NACAD: variants seen among roughly 807,000 people sequenced by gnomAD.
The protein encoded by NACAD is NAC-alpha domain-containing protein 1.
A neutral mutation model predicts 98.9 loss-of-function variants in NACAD; 47 were observed. That is an observed-to-expected ratio of 0.48 (90% CI 0.38 to 0.61). The LOEUF is 0.61. NACAD is among the 20% of genes least tolerant of loss of function. NACAD has a pLI of 0.00. For missense variants in NACAD, 1,412 were observed against 1,748.2 expected (o/e 0.81, Z 3.43); for synonymous variants, 696 against 767.2 (o/e 0.91, Z 1.53).
At position 45,085,529 on chromosome 7, in the gene NACAD, C is replaced by T. The variant is rs1179916221; in HGVS notation, c.651G>A (p.Ser217=). The change falls in exon 2 of 8, where the codon TCG becomes TCA. Residue 217 remains serine, a synonymous_variant. Coordinates refer to ENST00000490531, the MANE Select transcript of NACAD (RefSeq NM_001146334.2). This position sits in a 1 kb window ranked among gnomAD's most constrained non-coding sequence, Gnocchi z 6.1. ...CCCCATCGGCCGTAATGTAGGAGCC[C>T]GAGGGTGAGGCGGGGGGCGAGTCCA... ...ELLDSPPASP[S]GSYITADGDS... The T allele has an allele frequency of 3.3e-5, 51 of 1,550,526 alleles. No individual in the cohort carries two copies. Among genetic ancestry groups the T allele is most frequent in the Middle Eastern group, 3.4e-4 (2 of 5,964 alleles).
At chr7:45,087,156 C>A (rs764580555) in intron 1 of NACAD, among the ~76,000 whole-genome samples, 3 of 152,202 alleles carry the variant, frequency 2.0e-5, no homozygotes, top group Non-Finnish European at 2.9e-5. Context: ...TGGAAGAAAA[C>A]CCCTCCGAGG....
At position 45,086,066 on chromosome 7, in the gene NACAD, G is replaced by A. The variant is rs34135761; in HGVS notation, c.114C>T (p.Asp38=). ...GGGTCAGAGCACAGGGCTCCCGCCG[G>A]TCCCCTCCCAGGATGGTGGTGGCAG... ...AAAATTILGG[D]RREPCALTPG... The change falls in exon 2 of 8, where the codon GAC becomes GAT. Residue 38 remains aspartate (D), a synonymous_variant. Coordinates refer to ENST00000490531, the MANE Select transcript of NACAD (RefSeq NM_001146334.2). 0.045 allele frequency: 68,634 copies of A among 1,536,154 alleles called. 1,684 individuals are homozygous for A. Among genetic ancestry groups the A allele is most frequent in the African/African-American group, 0.076 (5,532 of 73,156 alleles).
intron 1 of NACAD, among the ~76,000 whole-genome samples, chr7:45,087,659 A>C (rs965084055): frequency 6.6e-6 from 1 of 152,276 alleles, no homozygotes; most frequent in African/African-American, 2.4e-5. Flanking sequence ...CAGAGCCCTG[A>C]GCCCTGAACC....
Position 45,085,193 on chromosome 7 carries a change from T to C in NACAD, c.987A>G (p.Leu329=). Residue 329 remains leucine, a synonymous_variant, in exon 2 of 8, where the codon CTA becomes CTG. Coordinates refer to ENST00000490531, the MANE Select transcript of NACAD (RefSeq NM_001146334.2). The surrounding 1 kb of genome is among the most constrained non-coding windows in gnomAD (Gnocchi z 6.1). ...FQVEAVEVTP[L]SPEEEEEEAV... is the part of the protein sequence containing the mutation. ...CCTCCTCTTCTTCTTCCTCTGGGGA[T>C]AGCGGTGTCACCTCCACTGCCTCCA... The C allele has an allele frequency of 6.4e-7, 1 of 1,551,296 alleles. No homozygotes were observed. The highest frequency in any genetic ancestry group is 8.7e-7 in the Non-Finnish European group (1 of 1,146,880).
chr7:45,085,811 C>T lies in NACAD; in HGVS notation c.369G>A (p.Glu123=), dbSNP rs1276244110. 6.5e-7 allele frequency: 1 copy of T among 1,539,712 alleles called. No homozygotes were observed. The highest frequency in any genetic ancestry group is 2.0e-5 in the Admixed American group (1 of 50,090). The change falls in exon 2 of 8, where the codon GAG becomes GAA. Residue 123 remains glutamate (E), a synonymous_variant. Coordinates refer to ENST00000490531, the MANE Select transcript of NACAD (RefSeq NM_001146334.2). This position sits in a 1 kb window ranked among gnomAD's most constrained non-coding sequence, Gnocchi z 6.1. The part of the protein sequence containing the change: ...ATLEPRIVMG[E]ETCQALLSPR... ...GTGACAGGAGGGCCTGGCACGTCTCCTCTCCCATCACAATCCGGGGCTCCA... is the reference window on the plus strand; with the variant it reads ...GTGACAGGAGGGCCTGGCACGTCTCTTCTCCCATCACAATCCGGGGCTCCA...
chr7:45,082,867 C>G lies in NACAD; in HGVS notation c.3313G>C (p.Asp1105His). 1 of 1,550,148 alleles carries G rather than the reference C, an allele frequency of 6.5e-7. No homozygotes were observed. The highest frequency in any genetic ancestry group is 1.7e-4 in the Middle Eastern group (1 of 5,988). ...SALGGAREVP[D>H]APPAACPEVS... ...TCAGGGCAGGCAGCAGGAGGCGCATCGGGGACCTCCCTTGCACCTCCAAGT... is the reference window on the plus strand; with the variant it reads ...TCAGGGCAGGCAGCAGGAGGCGCATGGGGGACCTCCCTTGCACCTCCAAGT... The change falls in exon 2 of 8, where the codon GAT (aspartate) becomes CAT (histidine). Residue 1105 changes from aspartate to histidine, a missense_variant. Asp to His is a moderately conservative substitution (Grantham distance 81). Transcript: ENST00000490531. The surrounding 1 kb of genome is among the most constrained non-coding windows in gnomAD (Gnocchi z 4.5).
rs1784411544 is a variant in NACAD at position 45,080,482 on chromosome 7, A to G, written c.*27T>C. On this transcript the variant is annotated 3_prime_UTR_variant, in exon 8 of 8. Coordinates refer to ENST00000490531, the MANE Select transcript of NACAD (RefSeq NM_001146334.2). Reference sequence around the variant, plus strand: ...GAGTAGCAGAGCTGAGGGAAGGCGTAGGATGGCTCCAGCTTCCGGTCAGTG... The same window carrying G: ...GAGTAGCAGAGCTGAGGGAAGGCGTGGGATGGCTCCAGCTTCCGGTCAGTG... The G allele has an allele frequency of 9.7e-6, 15 of 1,551,326 alleles. No homozygotes were observed. Among genetic ancestry groups the G allele is most frequent in the Non-Finnish European group, 1.3e-5 (15 of 1,146,908 alleles).
At chr7:45,081,452 T>C in intron 4 of NACAD, 149 bp downstream of exon 4, 2 of 1,243,038 alleles carry the variant, frequency 1.6e-6, no homozygotes, top group South Asian at 1.5e-5. Flanking sequence ...CTCAGCTGTT[T>C]AGGGGAAGGT....
chr7:45,083,250 G>C lies in NACAD; in HGVS notation c.2930C>G (p.Pro977Arg). ...GGCTGCATTCTTCTCCTCAGGTGCT[G>C]GCCTGGGGCCTAAGGCCTCACCTAC... Reference protein sequence around the residue: ...QEVGEALGPRPAPEEKNAALP... With the variant: ...QEVGEALGPRRAPEEKNAALP... Residue 977 changes from proline to arginine, a missense_variant, in exon 2 of 8, where the codon CCA (proline) becomes CGA (arginine). By Grantham distance (103) the Pro-to-Arg change is moderately radical. Coordinates refer to ENST00000490531, the MANE Select transcript of NACAD (RefSeq NM_001146334.2). The C allele has an allele frequency of 1.3e-6, 2 of 1,551,008 alleles. No individual in the cohort carries two copies. The highest frequency in any genetic ancestry group is 1.7e-6 in the Non-Finnish European group (2 of 1,146,984).
Position 45,082,454 on chromosome 7 carries a change from TG to T in NACAD, c.3725del (p.Pro1242HisfsTer262), listed in dbSNP as rs1562927077. 3.2e-6 allele frequency: 5 copies of T among 1,545,570 alleles called. No homozygotes were observed. The highest frequency in any genetic ancestry group is 3.5e-6 in the Non-Finnish European group (4 of 1,145,438). ...PGTLAGAALP[P>X]LEPPAPCLCQ... ...ACAGGCAGGGGGCTGGGGGCTCCAG[TG>T]GGGGTAGGGCTGCCCCAGCAAGGGT... On this transcript the variant is annotated frameshift_variant, in exon 2 of 8. Coordinates refer to ENST00000490531, the MANE Select transcript of NACAD (RefSeq NM_001146334.2). LOFTEE classifies it high-confidence loss of function. The surrounding 1 kb of genome is among the most constrained non-coding windows in gnomAD (Gnocchi z 4.5).
chr7:45,087,501 G>A (rs1784538847), intron 1 of NACAD, among the ~76,000 whole-genome samples: 2 of 152,254 alleles, frequency 1.3e-5, no homozygotes, highest in South Asian at 4.1e-4. Flanking sequence ...CCTGCCTGGT[G>A]GCTCCTGCTC....
Position 45,082,121 on chromosome 7 carries a change from GTCC to G in NACAD, c.4056_4058del (p.Glu1352del), listed in dbSNP as rs1784440185. On this transcript the variant is annotated inframe_deletion, in exon 2 of 8. Transcript: ENST00000490531. The surrounding 1 kb of genome is among the most constrained non-coding windows in gnomAD (Gnocchi z 4.5). ...CCTCTGCCTTACCTTCCTCCAGGCT[GTCC>G]TCATCCTCTTGCTGCTCGGGGGCTG... The G allele has an allele frequency of 1.4e-6, 2 of 1,478,152 alleles. No homozygotes were observed. Among genetic ancestry groups the G allele is most frequent in the South Asian group, 1.4e-5 (1 of 70,842 alleles). 91.6% of individuals were successfully genotyped at this position (1,478,152 alleles called of 1,614,324 possible).
At position 45,088,386 on chromosome 7, in the gene NACAD, G is replaced by T. The variant is rs997757888; in HGVS notation, c.67+442C>A. Among the ~76,000 whole-genome samples, 2 of 152,092 alleles carry T rather than the reference G, an allele frequency of 1.3e-5. No homozygotes were observed. Among genetic ancestry groups the T allele is most frequent in the African/African-American group, 4.8e-5 (2 of 41,412 alleles). Reference sequence around the variant, plus strand: ...CCTCCAGAGCCATGACCAGTCGCCGGCCCAGGACAGACCGGGTGCAACTGA... The same window carrying T: ...CCTCCAGAGCCATGACCAGTCGCCGTCCCAGGACAGACCGGGTGCAACTGA... On this transcript the variant is annotated intron_variant, in intron 1 of 7. Coordinates refer to ENST00000490531, the MANE Select transcript of NACAD (RefSeq NM_001146334.2). The surrounding 1 kb of genome is among the most constrained non-coding windows in gnomAD (Gnocchi z 5.7).
In NACAD at chr7:45,085,410, C is replaced by T; in HGVS notation, c.770G>A (p.Gly257Glu). 1.3e-6 allele frequency: 2 copies of T among 1,547,298 alleles called. No homozygotes were observed. The highest frequency in any genetic ancestry group is 1.7e-6 in the Non-Finnish European group (2 of 1,145,132). Residue 257 changes from glycine to glutamate, a missense_variant, in exon 2 of 8, where the codon GGG (glycine) becomes GAG (glutamate). By Grantham distance (98) the Gly-to-Glu change is moderately conservative (BLOSUM62 -2). Coordinates refer to ENST00000490531, the MANE Select transcript of NACAD (RefSeq NM_001146334.2). The surrounding 1 kb of genome is among the most constrained non-coding windows in gnomAD (Gnocchi z 6.1). Reference protein sequence around the residue: ...FPSGWGLSPQGSMVDERELHP... With the variant: ...FPSGWGLSPQESMVDERELHP... ...CAGCTCTCGTTCATCCACCATGGACCCCTGCGGGGACAGGCCCCAGCCTGA... is the reference window on the plus strand; with the variant it reads ...CAGCTCTCGTTCATCCACCATGGACTCCTGCGGGGACAGGCCCCAGCCTGA...
chr7:45,087,967 C>G (rs1784547159), intron 1 of NACAD, among the ~76,000 whole-genome samples: 1 of 152,184 alleles, frequency 6.6e-6, no homozygotes, highest in African/African-American at 2.4e-5. Flanking sequence ...AGCACAAGAC[C>G]CTGGGGCTGG....
rs778391715 is a variant in NACAD, at chr7:45,082,142, G to A, written c.4038C>T (p.Pro1346=). 2.4e-5 allele frequency: 35 copies of A among 1,486,042 alleles called. No homozygotes were observed. In the South Asian group the frequency reaches 3.0e-4, roughly 13 times the overall value. The allele number at this position is 1,486,042 out of a possible 1,614,324, so 92.1% of individuals were successfully genotyped here. A position where few individuals can be genotyped will look rare whatever the true frequency, so the allele number is the denominator to read the frequency against. Residue 1346 remains proline (P), a synonymous_variant, in exon 2 of 8, where the codon CCC becomes CCT. Coordinates refer to ENST00000490531, the MANE Select transcript of NACAD (RefSeq NM_001146334.2). The surrounding 1 kb of genome is among the most constrained non-coding windows in gnomAD (Gnocchi z 4.5). ...SPAGPQGLSA[P]EQQEDEDSLE... ...GGCTGTCCTCATCCTCTTGCTGCTC[G>A]GGGGCTGAGAGCCCTTGAGGGCCAG...
rs1311891634 is a variant in NACAD, at chr7:45,088,138, G to A, written c.67+690C>T. Among the ~76,000 whole-genome samples, 5 of 152,132 alleles carry A rather than the reference G, an allele frequency of 3.3e-5. No homozygotes were observed. Among genetic ancestry groups the A allele is most frequent in the Admixed American group, 3.3e-4 (5 of 15,284 alleles). ...CTACCCACACATGGCTGACCTCCACGCCAGGACTGTCCAGGCTCGGCTCTT... is the reference window on the plus strand; with the variant it reads ...CTACCCACACATGGCTGACCTCCACACCAGGACTGTCCAGGCTCGGCTCTT... On this transcript the variant is annotated intron_variant, in intron 1 of 7. Transcript: ENST00000490531. The surrounding 1 kb of genome is among the most constrained non-coding windows in gnomAD (Gnocchi z 5.7).
rs2128640774 is a variant in NACAD at position 45,083,487 on chromosome 7, T to A, written c.2693A>T (p.Lys898Met). 1 of 681,760 alleles carries A rather than the reference T, an allele frequency of 1.5e-6. No homozygotes were observed. Among genetic ancestry groups the A allele is most frequent in the Admixed American group, 2.7e-5 (1 of 36,498 alleles). The allele number at this position is 681,760 out of a possible 1,614,324, so 42.2% of individuals were successfully genotyped here. ...CACAGGCGTGGCTGCAGCCACAGGC[T>A]TTGGGGCTGACGAGAGATCTGTGTC... The part of the protein sequence containing the change: ...LQDTDLSSAP[K>M]PVAAATPVSQ... Residue 898 changes from lysine to methionine, a missense_variant, in exon 2 of 8, where the codon AAG (lysine) becomes ATG (methionine). Lys to Met is a moderately conservative substitution (Grantham distance 95, BLOSUM62 -1). Around this residue, in one of 5 missense-constraint regions of NACAD, gnomAD observed 72 missense variants for 198.0 expected, o/e 0.36. Coordinates refer to ENST00000490531, the MANE Select transcript of NACAD (RefSeq NM_001146334.2).
chr7:45,082,345 G>A lies in NACAD; in HGVS notation c.3835C>T (p.Pro1279Ser). The change falls in exon 2 of 8, where the codon CCT (proline) becomes TCT (serine). Residue 1279 changes from proline to serine, a missense_variant. Physicochemically the swap from Pro to Ser is moderately conservative, Grantham distance 74. Transcript: ENST00000490531. The surrounding 1 kb of genome is among the most constrained non-coding windows in gnomAD (Gnocchi z 4.5). ...GLPPPQAGVQPAAAAVSGTTQ... is the reference protein window; with the variant it reads ...GLPPPQAGVQSAAAAVSGTTQ... ...GTTCCTGAGACAGCAGCAGCGGCAG[G>A]CTGGACTCCTGCCTGGGGCGGTGGG... is the stretch of plus-strand genomic sequence containing the variant. The A allele has an allele frequency of 6.4e-7, 1 of 1,550,452 alleles. No homozygotes were observed. The highest frequency in any genetic ancestry group is 8.7e-7 in the Non-Finnish European group (1 of 1,146,944).
Sources: allele counts gnomAD v4.1 joint callset (sites outside exome capture counted in the v4.1 genomes callset), GRCh38; gene constraint gnomAD v4.1.1; regional missense constraint gnomAD v4.1.1; non-coding constraint Gnocchi (gnomAD v3.1); transcripts MANE v1.5; gene names NCBI Gene and HGNC (gene_info 2026-07-23, HGNC 2026-07-21).